ITPKB: variants seen among roughly 807,000 people sequenced by gnomAD.
The protein encoded by ITPKB is inositol-trisphosphate 3-kinase B.
ITPKB carries 13 observed loss-of-function variants against 69.4 expected under a neutral mutation model. That is an observed-to-expected ratio of 0.19 (90% CI 0.12 to 0.30). The LOEUF is 0.30. Among genes scored for constraint, ITPKB ranks in the 10% least tolerant of loss-of-function variants. ITPKB has a pLI of 1.00. For synonymous variants in ITPKB, 584 were observed against 513.7 expected (o/e 1.14, Z -1.85); for missense variants, 1,240 against 1,250.5 (o/e 0.99, Z 0.13).
At chr1:226,707,706 C>T in intron 2 of ITPKB, 1 of 1,028,348 alleles carries the variant, frequency 9.7e-7, no homozygotes, top group Non-Finnish European at 1.2e-6. Context: ...TTACAAATTA[C>T]AACTTCAAGG....
intron 2 of ITPKB, among the ~76,000 whole-genome samples, chr1:226,700,058 G>A (rs1300649025): frequency 6.6e-6 from 1 of 152,126 alleles, no homozygotes; most frequent in Non-Finnish European, 1.5e-5. Flanking sequence ...TTTTCTATCT[G>A]CACTCGCAGC....
intron 2 of ITPKB, chr1:226,657,191 T>A (rs1669309512): frequency 6.6e-6 from 1 of 152,216 alleles, no homozygotes; most frequent in African/African-American, 2.4e-5. Context: ...CAATATCAGT[T>A]TCTGGTTCAA....
intron 2 of ITPKB, among the ~76,000 whole-genome samples, chr1:226,654,792 G>C (rs539431121): frequency 1.3e-5 from 2 of 152,232 alleles, no homozygotes; most frequent in African/African-American, 4.8e-5. Context: ...CATGCTGTAC[G>C]GAAACACTGC....
At chr1:226,653,931 C>T (rs548158607) in intron 2 of ITPKB, among the ~76,000 whole-genome samples, 2 of 152,340 alleles carry the variant, frequency 1.3e-5, no homozygotes, top group South Asian at 4.1e-4. Flanking sequence ...GTGCCTGCTG[C>T]TGACATTTGT....
At position 226,735,737 on chromosome 1, in the gene ITPKB, C is replaced by A; in HGVS notation, c.1722G>T (p.Met574Ile). 1 of 1,588,690 alleles carries A rather than the reference C, an allele frequency of 6.3e-7. No individual in the cohort carries two copies. Among genetic ancestry groups the A allele is most frequent in the Non-Finnish European group, 8.6e-7 (1 of 1,163,430 alleles). The change falls in exon 2 of 8, where the codon ATG (methionine) becomes ATT (isoleucine). Residue 574 changes from methionine (M) to isoleucine (I), a missense_variant. Coordinates refer to ENST00000429204, the MANE Select transcript of ITPKB (RefSeq NM_002221.4). ...CCAAGGCCCCATCCTCCTGGGTGCC[C>A]ATGTCTGTAATGATGACAGCAGGTA... Reference protein sequence around the residue: ...SNIPAVIITDMGTQEDGALEE... With the variant: ...SNIPAVIITDIGTQEDGALEE...
chr1:226,696,426 C>T (rs1656487991), intron 2 of ITPKB, among the ~76,000 whole-genome samples: 1 of 152,090 alleles, frequency 6.6e-6, no homozygotes, highest in African/African-American at 2.4e-5. Context: ...ACATCCCTGG[C>T]ACGTAGATAG....
rs2102735255 is a variant in ITPKB at position 226,634,436 on chromosome 1, T to A, written c.*235A>T. 1 of 538,218 alleles carries A rather than the reference T, an allele frequency of 1.9e-6. No individual in the cohort carries two copies. The highest frequency in any genetic ancestry group is 3.2e-5 in the East Asian group (1 of 31,164). The allele number at this position is 538,218 out of a possible 1,614,324, so 33.3% of individuals were successfully genotyped here. On this transcript the variant is annotated 3_prime_UTR_variant, in exon 8 of 8. Transcript: ENST00000429204. The surrounding 1 kb of genome is among the most constrained non-coding windows in gnomAD (Gnocchi z 6.3). ...TCTACACCTGACCCACCTCTAAGAC[T>A]GGGCATTTCTCTTCTAGTAGGTGAC...
chr1:226,722,260 G>A (rs973448358), intron 2 of ITPKB, among the ~76,000 whole-genome samples: 2 of 152,308 alleles, frequency 1.3e-5, no homozygotes, highest in East Asian at 1.9e-4. Context: ...GATCCTTGGG[G>A]CTCCTTGCCA....
intron 2 of ITPKB, among the ~76,000 whole-genome samples, chr1:226,650,692 CAG>C (rs1669171515): frequency 6.6e-6 from 1 of 152,226 alleles, no homozygotes; most frequent in African/African-American, 2.4e-5. Context: ...TCAGAGAGGA[CAG>C]GGGCTGACAG....
At position 226,738,357 on chromosome 1, in the gene ITPKB, A is replaced by T. The variant is rs1212810779; in HGVS notation, c.-206+684T>A. On this transcript the variant is annotated intron_variant, in intron 1 of 7. Transcript: ENST00000429204. This position sits in a 1 kb window ranked among gnomAD's most constrained non-coding sequence, Gnocchi z 4.2. ...AGGGCTAGCCTTGTCGCCTATCCCT[A>T]GACAAGTGTTTTGTGAGTGTGGGCG... 6.6e-6 allele frequency among the ~76,000 whole-genome samples: 1 copy of T among 152,030 alleles called. No homozygotes were observed. Among genetic ancestry groups the T allele is most frequent in the Non-Finnish European group, 1.5e-5 (1 of 67,984 alleles).
intron 2 of ITPKB, among the ~76,000 whole-genome samples, chr1:226,702,486 C>T (rs374511066): frequency 2.0e-5 from 3 of 152,050 alleles, no homozygotes; most frequent in East Asian, 1.9e-4. Flanking sequence ...CCTTCTGCAG[C>T]GCTGCCTATC....
At chr1:226,650,366 G>T (rs1370054401) in intron 2 of ITPKB, among the ~76,000 whole-genome samples, 1 of 152,210 alleles carries the variant, frequency 6.6e-6, no homozygotes, top group Non-Finnish European at 1.5e-5. Context: ...TTAAGAGAGG[G>T]CAGCGCCCCA....
At chr1:226,676,150 C>G (rs1245280223) in intron 2 of ITPKB, 1 of 152,168 alleles carries the variant, frequency 6.6e-6, no homozygotes, top group African/African-American at 2.4e-5. Flanking sequence ...CATCTGGCTG[C>G]TGTATGATGC....
intron 4 of ITPKB, 39 bp downstream of exon 4, chr1:226,647,128 A>T: frequency 6.3e-7 from 1 of 1,581,186 alleles, no homozygotes; most frequent in Non-Finnish European, 8.7e-7. Context: ...TGTGGCTTGC[A>T]CTGAGGCAGG....
At chr1:226,696,385 G>C (rs1656487143) in intron 2 of ITPKB, among the ~76,000 whole-genome samples, 1 of 152,012 alleles carries the variant, frequency 6.6e-6, no homozygotes, top group Non-Finnish European at 1.5e-5. Flanking sequence ...CATAAAAGGT[G>C]CTCCCTGGTA....
At chr1:226,713,572 C>T (rs886772503) in intron 2 of ITPKB, among the ~76,000 whole-genome samples, 1 of 152,174 alleles carries the variant, frequency 6.6e-6, no homozygotes, top group Non-Finnish European at 1.5e-5. Context: ...GAATTTCTAA[C>T]AAGGAGAATG....
intron 2 of ITPKB, among the ~76,000 whole-genome samples, chr1:226,653,031 A>G (rs1669226519): frequency 6.6e-6 from 1 of 152,158 alleles, no homozygotes; most frequent in Admixed American, 6.5e-5. Flanking sequence ...GCAGGCGTGC[A>G]CCAGTACCAT....
chr1:226,672,057 G>GA (rs1395479764), intron 2 of ITPKB, among the ~76,000 whole-genome samples: 1 of 152,156 alleles, frequency 6.6e-6, no homozygotes, highest in Non-Finnish European at 1.5e-5. Context: ...GAGAAAGGGT[G>GA]AAAACAAGAA....
At position 226,637,197 on chromosome 1, in the gene ITPKB, C is replaced by T. The variant is rs1668857453; in HGVS notation, c.2625+482G>A. ...GAGCCTCTCTCAGGTGTCTCAGTTC[C>T]CCACCTGCTGCCTGCTGCCCCTGCC... On this transcript the variant is annotated intron_variant, in intron 7 of 7. Coordinates refer to ENST00000429204, the MANE Select transcript of ITPKB (RefSeq NM_002221.4). The surrounding 1 kb of genome is among the most constrained non-coding windows in gnomAD (Gnocchi z 4.3). 6.6e-6 allele frequency among the ~76,000 whole-genome samples: 1 copy of T among 152,190 alleles called. No individual in the cohort carries two copies. Among genetic ancestry groups the T allele is most frequent in the Non-Finnish European group, 1.5e-5 (1 of 68,032 alleles).
Sources: allele counts gnomAD v4.1 joint callset (sites outside exome capture counted in the v4.1 genomes callset), GRCh38; gene constraint gnomAD v4.1.1; non-coding constraint Gnocchi (gnomAD v3.1); transcripts MANE v1.5; gene names NCBI Gene and HGNC (gene_info 2026-07-23, HGNC 2026-07-21).